The following CNOT6L variants were observed in gnomAD, a reference collection of about 807,000 sequenced individuals.
CNOT6L encodes the protein CCR4-NOT transcription complex subunit 6-like.
CNOT6L carries 7 observed loss-of-function variants against 64.0 expected under a neutral mutation model. The ratio of observed to expected loss-of-function variants is 0.11; its 90% CI spans 0.06 to 0.21. The LOEUF is 0.21. Among genes scored for constraint, CNOT6L ranks in the 10% least tolerant of loss-of-function variants. The pLI is 1.00. For synonymous variants in CNOT6L, 193 were observed against 243.4 expected (o/e 0.79, Z 1.93); for missense variants, 245 against 669.0 (o/e 0.37, Z 6.99).
At position 77,793,345 on chromosome 4, in the gene CNOT6L, C is replaced by G. The variant is rs1730388500; in HGVS notation, c.6-16953G>C. On this transcript the variant is annotated intron_variant, in intron 1 of 11. Coordinates refer to ENST00000504123, the MANE Select transcript of CNOT6L (RefSeq NM_144571.3). Reference sequence around the variant, plus strand: ...GAGACAAATAATAGGATATAACTATCATTCAATGAGCACCAACCATGTGAC... The same window carrying G: ...GAGACAAATAATAGGATATAACTATGATTCAATGAGCACCAACCATGTGAC... 2.0e-5 allele frequency among the ~76,000 whole-genome samples: 3 copies of G among 152,286 alleles called. No homozygotes were observed. In the South Asian group the frequency reaches 6.2e-4, roughly 32 times the overall value.
At chr4:77,734,980 A>G (rs536320319) in intron 8 of CNOT6L, among the ~76,000 whole-genome samples, 1 of 152,306 alleles carries the variant, frequency 6.6e-6, no homozygotes, top group South Asian at 2.1e-4. Context: ...TACTTCATAT[A>G]TGTTAGTCCT....
At chr4:77,779,615 C>G (rs919234562) in intron 1 of CNOT6L, among the ~76,000 whole-genome samples, 13 of 151,906 alleles carry the variant, frequency 8.6e-5, no homozygotes, top group Non-Finnish European at 1.9e-4. Context: ...AAGATCAATA[C>G]TGCCATATTA....
intron 8 of CNOT6L, among the ~76,000 whole-genome samples, chr4:77,733,939 T>C (rs1722696240): frequency 6.6e-6 from 1 of 152,114 alleles, no homozygotes; most frequent in South Asian, 2.1e-4. Context: ...TTGTTTAAAT[T>C]TGCTCAACAA....
At chr4:77,820,031 T>TGGCCTC (rs1288070063), upstream of CNOT6L, among the ~76,000 whole-genome samples, 6 of 152,064 alleles carry the variant, frequency 3.9e-5, no homozygotes, top group East Asian at 9.8e-4. Flanking sequence ...GCCTTGGCCT[T>TGGCCTC]GGCCTCCTGG....
intron 6 of CNOT6L, among the ~76,000 whole-genome samples, chr4:77,746,380 A>G (rs1270889282): frequency 1.3e-5 from 2 of 152,154 alleles, no homozygotes; most frequent in Non-Finnish European, 2.9e-5. Flanking sequence ...ATAGTTTATC[A>G]TGTTTTTAAG....
At chr4:77,726,414 T>C in intron 10 of CNOT6L, 45 bp from the exon 11 acceptor site, 1 of 1,461,742 alleles carries the variant, frequency 6.8e-7, no homozygotes. Flanking sequence ...ATTTAGACCT[T>C]ACACAAGGCT....
chr4:77,716,316 A>G lies in CNOT6L; in HGVS notation c.*4115T>C, dbSNP rs1720743870. 6.6e-6 allele frequency: 1 copy of G among 152,114 alleles called. No homozygotes were observed. Among genetic ancestry groups the G allele is most frequent in the South Asian group, 2.1e-4 (1 of 4,832 alleles). 9.4% of individuals were successfully genotyped at this position (152,114 alleles called of 1,614,324 possible). On this transcript the variant is annotated 3_prime_UTR_variant, in exon 12 of 12. Transcript: ENST00000504123. ...TTAAAATATCTCAGAAACAGAATAA[A>G]AAAGCTTAGAATCAAATAAGCATTG... is the stretch of plus-strand genomic sequence containing the variant.
Position 77,782,772 on chromosome 4 carries a change from A to C in CNOT6L, c.6-6380T>G, listed in dbSNP as rs72864991. ...TAGGACTACAGGTGTCACCACTACA[A>C]CCAACTATAGTATTTATTTTTAACT... On this transcript the variant is annotated intron_variant, in intron 1 of 11. Coordinates refer to ENST00000504123, the MANE Select transcript of CNOT6L (RefSeq NM_144571.3). Among the ~76,000 whole-genome samples the C allele has an allele frequency of 1.8e-3, 268 of 152,018 alleles. 2 individuals carry two copies. Among genetic ancestry groups the C allele is most frequent in the African/African-American group, 5.4e-3 (224 of 41,474 alleles).
At chr4:77,746,371 T>C (rs923231685) in intron 6 of CNOT6L, among the ~76,000 whole-genome samples, 1 of 152,196 alleles carries the variant, frequency 6.6e-6, no homozygotes, top group Non-Finnish European at 1.5e-5. Flanking sequence ...GATTTCCATA[T>C]AGTTTATCAT....
At chr4:77,819,536 G>T, upstream of CNOT6L, 1 of 656,534 alleles carries the variant, frequency 1.5e-6, no homozygotes, top group East Asian at 5.0e-5. Context: ...CTCGCGGGCG[G>T]GCGCGCAGGG....
chr4:77,765,825 T>C (rs1295569873), intron 4 of CNOT6L, among the ~76,000 whole-genome samples: 1 of 152,186 alleles, frequency 6.6e-6, no homozygotes, highest in Non-Finnish European at 1.5e-5. Context: ...ATGTAACTGT[T>C]ACCCTGGGGA....
intron 1 of CNOT6L, among the ~76,000 whole-genome samples, chr4:77,815,984 T>C (rs1733527732): frequency 6.6e-6 from 1 of 152,226 alleles, no homozygotes; most frequent in Admixed American, 6.5e-5. Context: ...CTGATTAGCA[T>C]TACCCAAAGT....
rs556024058 is a variant in CNOT6L at position 77,721,808 on chromosome 4, C to T, written c.1456-1165G>A. 2.4e-3 allele frequency among the ~76,000 whole-genome samples: 368 copies of T among 151,878 alleles called. 5 individuals are homozygous for T. The highest frequency in any genetic ancestry group is 3.2e-3 in the African/African-American group (133 of 41,442). ...AAACATAATGAGACCCAGGATTTTA[C>T]GAAAAATTTAAACATTAGCCAGGTG... On this transcript the variant is annotated intron_variant, in intron 11 of 11. Transcript: ENST00000504123.
intron 6 of CNOT6L, 87 bp downstream of exon 6, chr4:77,748,229 T>C: frequency 1.1e-6 from 1 of 912,188 alleles, no homozygotes; most frequent in Non-Finnish European, 1.8e-6. Context: ...AAGGTAAAAA[T>C]GAAGTCTTAT....
At chr4:77,810,082 T>A (rs1732742503) in intron 1 of CNOT6L, among the ~76,000 whole-genome samples, 1 of 152,122 alleles carries the variant, frequency 6.6e-6, no homozygotes, top group Non-Finnish European at 1.5e-5. Flanking sequence ...CTAATAAACC[T>A]GTTACAAAAC....
chr4:77,812,505 C>A (rs891897173), intron 1 of CNOT6L, among the ~76,000 whole-genome samples: 6 of 149,414 alleles, frequency 4.0e-5, no homozygotes, highest in African/African-American at 1.2e-4. Context: ...ACGAGATCAA[C>A]AAACATAAAT....
intron 1 of CNOT6L, among the ~76,000 whole-genome samples, chr4:77,809,049 T>C (rs1036672024): frequency 3.3e-5 from 5 of 152,164 alleles, no homozygotes; most frequent in Non-Finnish European, 7.4e-5. Flanking sequence ...CTAAATACTT[T>C]ACAGGACTAC....
At chr4:77,747,862 T>C (rs1018302218) in intron 6 of CNOT6L, among the ~76,000 whole-genome samples, 6 of 152,214 alleles carry the variant, frequency 3.9e-5, no homozygotes, top group African/African-American at 1.4e-4. Flanking sequence ...ACATTATTCT[T>C]CCATAAATGT....
chr4:77,793,329 A>G (rs1471418683), intron 1 of CNOT6L, among the ~76,000 whole-genome samples: 1 of 152,254 alleles, frequency 6.6e-6, no homozygotes, highest in African/African-American at 2.4e-5. Flanking sequence ...GGAGACAAAT[A>G]ATAGGATATA....
Sources: allele counts gnomAD v4.1 joint callset (sites outside exome capture counted in the v4.1 genomes callset), GRCh38; gene constraint gnomAD v4.1.1; transcripts MANE v1.5; gene names NCBI Gene and HGNC (gene_info 2026-07-23, HGNC 2026-07-21).